GFM2: variants seen among roughly 807,000 people sequenced by gnomAD.
GFM2 encodes GTP dependent ribosome recycling factor mitochondrial 2.
In GFM2, 72 loss-of-function variants were observed where a neutral mutation model predicts 95.4. The observed-to-expected ratio is 0.76, with a 90% CI of 0.62 to 0.92. GFM2 has a LOEUF of 0.92. GFM2 is among the 40% of genes least tolerant of loss of function. GFM2 has a pLI of 0.00. For missense variants in GFM2, 825 were observed against 924.1 expected (o/e 0.89, Z 1.39); for synonymous variants, 276 against 317.5 (o/e 0.87, Z 1.39).
intron 20 of GFM2, 95 bp from the exon 21 acceptor site, chr5:74,721,878 G>T: frequency 8.2e-7 from 1 of 1,214,142 alleles, no homozygotes. Context: ...GAAAAGTGAT[G>T]TTGCCACTTT....
intron 2 of GFM2, among the ~76,000 whole-genome samples, chr5:74,762,102 GAAATATATCTTCTTC>G (rs1325174530): frequency 1.3e-5 from 2 of 152,112 alleles, no homozygotes; most frequent in Admixed American, 1.3e-4. Flanking sequence ...ATGGAATACA[GAAATATATCTTCTTC>G]AAAATGCTGC....
At chr5:74,758,648 T>C (rs768820517) in intron 5 of GFM2, among the ~76,000 whole-genome samples, 4 of 152,222 alleles carry the variant, frequency 2.6e-5, no homozygotes, top group Admixed American at 6.5e-5. Context: ...GGGCCTATGA[T>C]AGTCTTACAA....
rs760868412 is a variant in GFM2 at position 74,763,673 on chromosome 5, T to C, written c.63+7A>G. ...AAAGGACACTTAATTTTATAAGAAA[T>C]GCTTACATTAATATACACACTGGGT... is the stretch of plus-strand genomic sequence containing the variant. On this transcript the variant is annotated splice_region_variant and intron_variant, in intron 2 of 20. Transcript: ENST00000296805. 1 of 1,523,360 alleles carries C rather than the reference T, an allele frequency of 6.6e-7. No homozygotes were observed. Among genetic ancestry groups the C allele is most frequent in the Non-Finnish European group, 9.1e-7 (1 of 1,099,814 alleles). 94.4% of individuals were successfully genotyped at this position (1,523,360 alleles called of 1,614,324 possible).
rs1744408986 is a variant in GFM2 at position 74,763,853 on chromosome 5, G to C, written c.-24-87C>G. 5.8e-6 allele frequency: 4 copies of C among 691,762 alleles called. No homozygotes were observed. The South Asian group carries it at 7.8e-5, about 14-fold the overall frequency. 42.9% of individuals were successfully genotyped at this position (691,762 alleles called of 1,614,324 possible). A position where few individuals can be genotyped will look rare whatever the true frequency, so the allele number is the denominator to read the frequency against. On this transcript the variant is annotated intron_variant, in intron 1 of 20. Transcript: ENST00000296805. Reference sequence around the variant, plus strand: ...TATGTAAGTTAGACATATGTAATATGTATGGTAAAATGTATTACTTTTAAA... The same window carrying C: ...TATGTAAGTTAGACATATGTAATATCTATGGTAAAATGTATTACTTTTAAA...
chr5:74,762,866 A>G (rs1744353562), intron 2 of GFM2, among the ~76,000 whole-genome samples: 2 of 152,198 alleles, frequency 1.3e-5, no homozygotes, highest in Non-Finnish European at 2.9e-5. Flanking sequence ...CACAATTTAA[A>G]ACTTATGAAT....
At chr5:74,743,858 G>C (rs1206328906) in intron 10 of GFM2, among the ~76,000 whole-genome samples, 1 of 152,174 alleles carries the variant, frequency 6.6e-6, no homozygotes, top group East Asian at 1.9e-4. Context: ...AAGCATTTGA[G>C]CTGCTGTTTC....
intron 5 of GFM2, among the ~76,000 whole-genome samples, chr5:74,758,185 G>C (rs1363838998): frequency 6.6e-6 from 1 of 151,868 alleles, no homozygotes; most frequent in African/African-American, 2.4e-5. Context: ...ACTTTTTTTG[G>C]TTCTTTTCTT....
chr5:74,751,303 A>C, intron 6 of GFM2, 65 bp downstream of exon 6: 3 of 1,517,238 alleles, frequency 2.0e-6, no homozygotes, highest in Middle Eastern at 3.5e-4. Context: ...CAAAACAAAA[A>C]CCCCAGAAAA....
At chr5:74,745,890 T>C in intron 9 of GFM2, 33 bp from the exon 10 acceptor site, 3 of 1,534,462 alleles carry the variant, frequency 2.0e-6, no homozygotes, top group Non-Finnish European at 1.8e-6. Flanking sequence ...CATTATTACA[T>C]GATCACTCAC....
In GFM2 at chr5:74,759,914, T is replaced by G. The variant is rs189698527; in HGVS notation, c.149-488A>C. ...CTTCCTCAGCAATCCCAGGACACAATACCTTTAAAGACTGCCTGGGAGGTT... is the reference window on the plus strand; with the variant it reads ...CTTCCTCAGCAATCCCAGGACACAAGACCTTTAAAGACTGCCTGGGAGGTT... On this transcript the variant is annotated intron_variant, in intron 3 of 20. Coordinates refer to ENST00000296805, the MANE Select transcript of GFM2 (RefSeq NM_032380.5). Among the ~76,000 whole-genome samples the G allele has an allele frequency of 3.6e-3, 550 of 152,260 alleles. 6 individuals carry two copies. Among genetic ancestry groups the G allele is most frequent in the African/African-American group, 0.013 (528 of 41,574 alleles).
rs1743704340 is a variant in GFM2, at chr5:74,751,439, C to T, written c.359G>A (p.Gly120Asp). Residue 120 changes from glycine to aspartate, a missense_variant, in exon 6 of 21, where the codon GGC becomes GAC. By Grantham distance (94) the Gly-to-Asp change is moderately conservative. Transcript: ENST00000296805. The stretch of plus-strand genomic sequence containing the variant: ...AACAGCAGCTGATTGAATAGTAATG[C>T]CTCTTTCTCGCTCTTGGGCCATGAA... ...TDFMAQERER[G>D]ITIQSAAVTF... 1 of 1,609,608 alleles carries T rather than the reference C, an allele frequency of 6.2e-7. No individual in the cohort carries two copies. Among genetic ancestry groups the T allele is most frequent in the Non-Finnish European group, 8.5e-7 (1 of 1,175,944 alleles).
At chr5:74,726,376 T>C (rs980501524) in intron 17 of GFM2, among the ~76,000 whole-genome samples, 2 of 152,338 alleles carry the variant, frequency 1.3e-5, no homozygotes, top group African/African-American at 2.4e-5. Context: ...TTAAGATATG[T>C]TGAGGCACAT....
intron 10 of GFM2, 82 bp from the exon 11 acceptor site, chr5:74,741,691 A>G: frequency 1.5e-6 from 1 of 661,760 alleles, no homozygotes; most frequent in Non-Finnish European, 2.6e-6. Context: ...TAAACAGACA[A>G]TATTCAAATA....
intron 15 of GFM2, 179 bp from the exon 16 acceptor site, chr5:74,733,277 GC>G: frequency 2.0e-6 from 1 of 495,132 alleles, no homozygotes; most frequent in Non-Finnish European, 3.6e-6. Context: ...GATCGCTTGA[GC>G]CCAGGAGTTT....
At chr5:74,747,825 C>CA in intron 7 of GFM2, 45 bp from the exon 8 acceptor site, 1 of 1,065,852 alleles carries the variant, frequency 9.4e-7, no homozygotes, top group Non-Finnish European at 1.4e-6. Context: ...ACAAAAGTAA[C>CA]TATGTTACTA....
In GFM2 at chr5:74,762,971, T is replaced by C. The variant is rs187556135; in HGVS notation, c.63+709A>G. On this transcript the variant is annotated intron_variant, in intron 2 of 20. Coordinates refer to ENST00000296805, the MANE Select transcript of GFM2 (RefSeq NM_032380.5). Reference sequence around the variant, plus strand: ...AAAACCATGAATAAGGGGAAACTATTGTACTCCCTGTTAAGTCACTGAAGA... The same window carrying C: ...AAAACCATGAATAAGGGGAAACTATCGTACTCCCTGTTAAGTCACTGAAGA... Among the ~76,000 whole-genome samples, 87 of 152,348 alleles carry C rather than the reference T, an allele frequency of 5.7e-4. No homozygotes were observed. In the South Asian group the frequency reaches 7.5e-3, roughly 13 times the overall value.
At chr5:74,726,839 T>TA (rs1169110812) in intron 17 of GFM2, among the ~76,000 whole-genome samples, 5 of 152,160 alleles carry the variant, frequency 3.3e-5, no homozygotes, top group African/African-American at 9.7e-5. Context: ...TTTGTATGCT[T>TA]ACGTTTTATA....
Position 74,721,351 on chromosome 5 carries a change from G to GCTT in GFM2, c.*303_*304insAAG. ...CATCTTTCTTGTGAGACAAGCTTAA[G>GCTT]GACACAAAAGAAACACAACTTTGTG... On this transcript the variant is annotated 3_prime_UTR_variant, in exon 21 of 21. Transcript: ENST00000296805. The GCTT allele has an allele frequency of 2.7e-6, 2 of 746,728 alleles. No individual in the cohort carries two copies. The highest frequency in any genetic ancestry group is 2.4e-6 in the Non-Finnish European group (1 of 416,242). The allele number at this position is 746,728 out of a possible 1,614,324, so 46.3% of individuals were successfully genotyped here.
intron 12 of GFM2, 152 bp from the exon 13 acceptor site, chr5:74,738,794 A>G: frequency 3.2e-6 from 2 of 617,540 alleles, no homozygotes; most frequent in Non-Finnish European, 5.3e-6. Context: ...CTCTTCTTCC[A>G]TTGACTAAAT....
Sources: allele counts gnomAD v4.1 joint callset (sites outside exome capture counted in the v4.1 genomes callset), GRCh38; gene constraint gnomAD v4.1.1; transcripts MANE v1.5; gene names NCBI Gene and HGNC (gene_info 2026-07-23, HGNC 2026-07-21).